Variants in KDM3A observed in about 807,000 individuals in gnomAD.
KDM3A encodes lysine-specific demethylase 3A.
KDM3A carries 60 observed loss-of-function variants against 158.0 expected under a neutral mutation model. That is an observed-to-expected ratio of 0.38 (90% CI 0.31 to 0.47). The LOEUF (loss-of-function observed/expected upper bound fraction) is 0.47, where lower values mean the gene tolerates loss of function less well. Ranked by LOEUF, KDM3A falls within the 20% of genes least tolerant of loss-of-function variation. The pLI, the probability that KDM3A is intolerant of heterozygous loss-of-function variation, is 0.99. For missense variants in KDM3A, 1,319 were observed against 1,574.3 expected (o/e 0.84, Z 2.74); for synonymous variants, 608 against 549.3 (o/e 1.11, Z -1.49).
At position 86,480,297 on chromosome 2, in the gene KDM3A, C is replaced by T. The variant is rs1375621679; in HGVS notation, c.2447C>T (p.Ala816Val). ...PAGSMKPACP[A>V]STSPLNWLAD... is the part of the protein sequence containing the mutation. Reference sequence around the variant, plus strand: ...GGCAGCATGAAGCCTGCCTGTCCAGCCAGCACATCTCCTCTAAACTGGCTG... The same window carrying T: ...GGCAGCATGAAGCCTGCCTGTCCAGTCAGCACATCTCCTCTAAACTGGCTG... Residue 816 changes from alanine (A) to valine (V), a missense_variant, in exon 16 of 26, where the codon GCC becomes GTC. Coordinates refer to ENST00000312912, the MANE Select transcript of KDM3A (RefSeq NM_018433.6). The T allele has an allele frequency of 1.9e-6, 3 of 1,614,000 alleles. No individual in the cohort carries two copies. Among genetic ancestry groups the T allele is most frequent in the African/African-American group, 1.3e-5 (1 of 74,916 alleles).
chr2:86,458,586 A>G (rs765959537), intron 8 of KDM3A, among the ~76,000 whole-genome samples: 3 of 152,124 alleles, frequency 2.0e-5, no homozygotes, highest in Non-Finnish European at 4.4e-5. Flanking sequence ...ATAGTGAGGG[A>G]GACAGACTTC....
At position 86,489,327 on chromosome 2, in the gene KDM3A, C is replaced by A. The variant is rs1381920009; in HGVS notation, c.3323C>A (p.Thr1108Asn). 6.2e-7 allele frequency: 1 copy of A among 1,613,640 alleles called. No individual in the cohort carries two copies. Among genetic ancestry groups the A allele is most frequent in the African/African-American group, 1.3e-5 (1 of 75,010 alleles). The change falls in exon 22 of 26, where the codon ACT becomes AAT. Residue 1108 changes from threonine to asparagine, a missense_variant. Physicochemically the swap from Thr to Asn is moderately conservative, Grantham distance 65 (BLOSUM62 0). This residue lies in a region of KDM3A where 186 missense variants were observed against 340.9 expected (regional missense o/e 0.55). Coordinates refer to ENST00000312912, the MANE Select transcript of KDM3A (RefSeq NM_018433.6). ...CACTTTGTTTTTGCAGGATTAATCA[C>A]TCCTGAAGATCGGAAATATGGAACA... Reference protein sequence around the residue: ...PKMYNAYGLITPEDRKYGTTN... With the variant: ...PKMYNAYGLINPEDRKYGTTN...
chr2:86,455,816 TGTG>T, intron 5 of KDM3A, among the ~76,000 whole-genome samples: 1 of 151,368 alleles, frequency 6.6e-6, no homozygotes, highest in East Asian at 1.9e-4. Flanking sequence ...ATTAGCCCGG[TGTG>T]GTGGCACATG....
At chr2:86,482,318 G>A in intron 17 of KDM3A, 140 bp from the exon 18 acceptor site, 1 of 1,368,308 alleles carries the variant, frequency 7.3e-7, no homozygotes, top group South Asian at 1.4e-5. Context: ...TTGTCAAGTG[G>A]GGACAGGGGA....
chr2:86,482,441 TTC>T lies in KDM3A; in HGVS notation c.2686-15_2686-14del. On this transcript the variant is annotated splice_polypyrimidine_tract_variant and intron_variant, in intron 17 of 25. Transcript: ENST00000312912. ...GGGAATGACATATTTGAGACTTTTGTTCTTTCTCCAATTCAGACAGAAAATGG... is the reference window on the plus strand; with the variant it reads ...GGGAATGACATATTTGAGACTTTTGTTTTCTCCAATTCAGACAGAAAATGG... The T allele has an allele frequency of 6.2e-7, 1 of 1,610,588 alleles. No homozygotes were observed. Among genetic ancestry groups the T allele is most frequent in the Middle Eastern group, 1.8e-4 (1 of 5,676 alleles).
In KDM3A at chr2:86,489,581, A is replaced by G. The variant is rs576916932; in HGVS notation, c.3495A>G (p.Glu1165=). 13 of 1,614,116 alleles carry G rather than the reference A, an allele frequency of 8.1e-6. No homozygotes were observed. The highest frequency in any genetic ancestry group is 1.7e-5 in the Admixed American group (1 of 60,014). ...AACTCACAATAAAGCGATTTATTGA[A>G]GGAAAAGAGAAGCCAGGAGCACTGT... ...SDELTIKRFI[E]GKEKPGALWH... The change falls in exon 23 of 26, where the codon GAA becomes GAG. Residue 1165 remains glutamate, a synonymous_variant. Transcript: ENST00000312912.
chr2:86,445,819 A>T (rs1033997577), intron 2 of KDM3A, among the ~76,000 whole-genome samples: 4 of 152,244 alleles, frequency 2.6e-5, no homozygotes, highest in Admixed American at 2.6e-4. Context: ...ATCTTCGACA[A>T]ACATTTAGGC....
At position 86,489,505 on chromosome 2, in the gene KDM3A, C is replaced by A; in HGVS notation, c.3434-15C>A. 6.2e-7 allele frequency: 1 copy of A among 1,611,406 alleles called. No individual in the cohort carries two copies. The highest frequency in any genetic ancestry group is 1.1e-5 in the South Asian group (1 of 90,824). On this transcript the variant is annotated splice_polypyrimidine_tract_variant and intron_variant, in intron 22 of 25. Transcript: ENST00000312912. ...GGGCTTGTGGTCTGATATCTGCTTT[C>A]TCTTCTTGCTCTAGAAGTCCTTAAG...
At chr2:86,481,397 C>T (rs536146462) in intron 16 of KDM3A, among the ~76,000 whole-genome samples, 15 of 152,046 alleles carry the variant, frequency 9.9e-5, no homozygotes, top group African/African-American at 2.4e-4. Context: ...GGATTATAGA[C>T]GCCTGCCACC....
At chr2:86,485,628 AT>A in intron 20 of KDM3A, 100 bp from the exon 21 acceptor site, 3 of 1,381,822 alleles carry the variant, frequency 2.2e-6, no homozygotes, top group Non-Finnish European at 3.0e-6. Context: ...ATGATCACAG[AT>A]GGATTTGTTC....
At chr2:86,462,027 A>T (rs2104655176) in intron 8 of KDM3A, among the ~76,000 whole-genome samples, 1 of 152,292 alleles carries the variant, frequency 6.6e-6, no homozygotes, top group African/African-American at 2.4e-5. Flanking sequence ...GATCTTGGGT[A>T]GGATGCAGAG....
At chr2:86,481,282 G>C (rs1432347659) in intron 16 of KDM3A, among the ~76,000 whole-genome samples, 1 of 152,038 alleles carries the variant, frequency 6.6e-6, no homozygotes, top group African/African-American at 2.4e-5. Flanking sequence ...ATCTTGCTCT[G>C]TCCAGCCAGG....
In KDM3A at chr2:86,472,398, C is replaced by T. The variant is rs980932582; in HGVS notation, c.1724+1990C>T. Among the ~76,000 whole-genome samples the T allele has an allele frequency of 2.6e-5, 4 of 151,840 alleles. 1 individual carries two copies. Among genetic ancestry groups the T allele is most frequent in the Admixed American group, 2.6e-4 (4 of 15,246 alleles). Reference sequence around the variant, plus strand: ...AGATTGAGGCTGTCATTAGCCTCCTCATCAAGTTTGTATCTCATTAAACTC... The same window carrying T: ...AGATTGAGGCTGTCATTAGCCTCCTTATCAAGTTTGTATCTCATTAAACTC... On this transcript the variant is annotated intron_variant, in intron 11 of 25. Coordinates refer to ENST00000312912, the MANE Select transcript of KDM3A (RefSeq NM_018433.6).
intron 9 of KDM3A, among the ~76,000 whole-genome samples, chr2:86,465,975 G>A (rs1049182700): frequency 2.7e-5 from 4 of 149,842 alleles, no homozygotes; most frequent in Non-Finnish European, 4.4e-5. Flanking sequence ...GAAAACTTTC[G>A]GAATTGCCCC....
chr2:86,489,452 A>C lies in KDM3A; in HGVS notation c.3433+15A>C, dbSNP rs748927163. Reference sequence around the variant, plus strand: ...GCAAGAAGAAGGTAGGGTGCTGAGCATAAAAGGAGGGCTTACTCTTTGAGC... The same window carrying C: ...GCAAGAAGAAGGTAGGGTGCTGAGCCTAAAAGGAGGGCTTACTCTTTGAGC... On this transcript the variant is annotated intron_variant, in intron 22 of 25. Transcript: ENST00000312912. 1.9e-6 allele frequency: 3 copies of C among 1,613,216 alleles called. No individual in the cohort carries two copies. The highest frequency in any genetic ancestry group is 2.5e-6 in the Non-Finnish European group (3 of 1,179,646).
In KDM3A at chr2:86,486,006, G is replaced by A. The variant is rs145181398; in HGVS notation, c.3313+147G>A. On this transcript the variant is annotated intron_variant, in intron 21 of 25. Transcript: ENST00000312912. Reference sequence around the variant, plus strand: ...CTTTCATTTTTACATATTTCCTTTCGTTCCCTGGCCACATGTTTGTGTGTT... The same window carrying A: ...CTTTCATTTTTACATATTTCCTTTCATTCCCTGGCCACATGTTTGTGTGTT... The A allele has an allele frequency of 3.5e-5, 29 of 838,344 alleles. No homozygotes were observed. In the East Asian group the frequency reaches 6.9e-4, roughly 20 times the overall value. 51.9% of individuals were successfully genotyped at this position (838,344 alleles called of 1,614,324 possible).
intron 11 of KDM3A, 34 bp from the exon 12 acceptor site, chr2:86,474,742 T>TGTGTG: frequency 9.2e-7 from 1 of 1,083,114 alleles, no homozygotes; most frequent in Non-Finnish European, 1.4e-6. Context: ...TGTGTGTGTG[T>TGTGTG]ACATTACATC....
At chr2:86,485,912 T>C in intron 21 of KDM3A, 53 bp downstream of exon 21, 1 of 1,581,016 alleles carries the variant, frequency 6.3e-7, no homozygotes, top group Non-Finnish European at 8.7e-7. Context: ...TCAAAATGTT[T>C]GGAAAATTGA....
intron 12 of KDM3A, among the ~76,000 whole-genome samples, chr2:86,475,340 G>A (rs559933968): frequency 1.2e-4 from 19 of 152,294 alleles, no homozygotes; most frequent in African/African-American, 4.1e-4. Flanking sequence ...AATACATTTC[G>A]AGGAAAATAA....
Sources: gnomAD v4.1 joint callset for allele counts (sites outside exome capture counted in the v4.1 genomes callset) on GRCh38, gnomAD v4.1.1 for gene constraint, gnomAD v4.1.1 regional missense constraint, MANE v1.5 for transcripts, NCBI Gene and HGNC (gene_info 2026-07-23, HGNC 2026-07-21) for gene names.